The following STX8 variants were observed in gnomAD, a reference collection of about 807,000 sequenced individuals.
STX8 encodes syntaxin-8.
Under a neutral mutation model 37.5 loss-of-function variants are expected in STX8, and 23 were observed. The ratio of observed to expected loss-of-function variants is 0.61; its 90% confidence interval spans 0.44 to 0.87. STX8 has a LOEUF of 0.87. Ranked by LOEUF, STX8 falls within the 40% of genes least tolerant of loss-of-function variation. STX8 has a pLI of 0.00. For missense variants in STX8, 313 were observed against 284.7 expected, an observed-to-expected ratio of 1.10 and a Z score of -0.71; for synonymous variants, 115 against 99.1, an observed-to-expected ratio of 1.16 and a Z score of -0.95.
intron 7 of STX8, among the ~76,000 whole-genome samples, chr17:9,370,070 C>T (rs1224009249): frequency 6.6e-6 from 1 of 151,604 alleles, no homozygotes; most frequent in African/African-American, 2.4e-5. Context: ...CTAAAATTAG[C>T]CAGGCATGGT....
intron 6 of STX8, among the ~76,000 whole-genome samples, chr17:9,470,695 G>T (rs1422494991): frequency 4.6e-5 from 7 of 152,088 alleles, no homozygotes; most frequent in Non-Finnish European, 1.5e-5. Context: ...CCTCTATGCA[G>T]AAAAAGCTAA....
intron 7 of STX8, among the ~76,000 whole-genome samples, chr17:9,339,842 T>C (rs1549333): frequency 0.15 from 22,836 of 152,212 alleles, 1,922 homozygotes; most frequent in African/African-American, 0.21. Context: ...ACATTATGTA[T>C]CTTTGAAAGC....
At chr17:9,259,269 T>A (rs1201393624) in intron 7 of STX8, among the ~76,000 whole-genome samples, 1 of 152,192 alleles carries the variant, frequency 6.6e-6, no homozygotes, top group Non-Finnish European at 1.5e-5. Flanking sequence ...TTCTAGAACA[T>A]AACTGGCACT....
chr17:9,513,313 CAAAAAA>C, intron 4 of STX8, among the ~76,000 whole-genome samples: 1 of 78,022 alleles, frequency 1.3e-5, no homozygotes, highest in East Asian at 3.5e-4. Flanking sequence ...ACTCTATTTC[CAAAAAA>C]AAAAAAAAAA....
chr17:9,283,742 CA>C (rs1907977685), intron 7 of STX8, among the ~76,000 whole-genome samples: 1 of 152,116 alleles, frequency 6.6e-6, no homozygotes, highest in Admixed American at 6.5e-5. Context: ...TGCATGTTTC[CA>C]ACAACCTTGG....
At chr17:9,462,243 G>A (rs994389436) in intron 6 of STX8, among the ~76,000 whole-genome samples, 2 of 152,150 alleles carry the variant, frequency 1.3e-5, no homozygotes, top group Non-Finnish European at 2.9e-5. Context: ...CCAAGCGCAT[G>A]AGACCTTCAC....
intron 4 of STX8, among the ~76,000 whole-genome samples, chr17:9,519,868 A>G (rs766022618): frequency 1.3e-5 from 2 of 151,014 alleles, no homozygotes; most frequent in South Asian, 2.1e-4. Flanking sequence ...TCAAATGTCA[A>G]TTCTGCTGCT....
intron 7 of STX8, among the ~76,000 whole-genome samples, chr17:9,368,072 A>G (rs904145784): frequency 6.6e-6 from 1 of 152,200 alleles, no homozygotes; most frequent in Non-Finnish European, 1.5e-5. Flanking sequence ...ATAATCTTGT[A>G]AAAAATTACT....
intron 4 of STX8, among the ~76,000 whole-genome samples, chr17:9,528,043 T>C: frequency 6.6e-6 from 1 of 152,198 alleles, no homozygotes; most frequent in East Asian, 1.9e-4. Context: ...GTCAGACACA[T>C]CAACTTGGAG....
intron 6 of STX8, among the ~76,000 whole-genome samples, chr17:9,488,875 T>C (rs554265324): frequency 3.8e-4 from 57 of 151,554 alleles, no homozygotes; most frequent in African/African-American, 1.4e-3. Flanking sequence ...CGGTCACGTG[T>C]GTGTGTGTGT....
Position 9,557,535 on chromosome 17 carries a change from A to G in STX8, c.118-7T>C. ...CTCTGATTGTCACGGTAAGCTGAAA[A>G]GAAAAGAACACATCCTAAGTATTCT... On this transcript the variant is annotated splice_region_variant and splice_polypyrimidine_tract_variant and intron_variant, in intron 2 of 7. Transcript: ENST00000306357. 4 of 1,612,882 alleles carry G rather than the reference A, an allele frequency of 2.5e-6. No homozygotes were observed. Among genetic ancestry groups the G allele is most frequent in the Non-Finnish European group, 3.4e-6 (4 of 1,178,936 alleles).
chr17:9,410,083 G>A (rs934585081), intron 6 of STX8, among the ~76,000 whole-genome samples: 3 of 152,222 alleles, frequency 2.0e-5, no homozygotes, highest in African/African-American at 4.8e-5. Context: ...ACAGACAAAT[G>A]CGATGGCTGT....
At chr17:9,561,534 C>G (rs1907229828) in intron 2 of STX8, among the ~76,000 whole-genome samples, 1 of 151,738 alleles carries the variant, frequency 6.6e-6, no homozygotes, top group Non-Finnish European at 1.5e-5. Flanking sequence ...TGGCGGGTGC[C>G]TGTAATCCCA....
At chr17:9,473,660 T>C (rs1368582601) in intron 6 of STX8, among the ~76,000 whole-genome samples, 1 of 145,956 alleles carries the variant, frequency 6.9e-6, no homozygotes, top group Non-Finnish European at 1.5e-5. Flanking sequence ...CAACCATCCA[T>C]TTTTAAAAAA....
At position 9,348,409 on chromosome 17, in the gene STX8, C is replaced by T. The variant is rs145968736; in HGVS notation, c.643+30143G>A. 2.1e-3 allele frequency among the ~76,000 whole-genome samples: 216 copies of T among 101,756 alleles called. 1 individual carries two copies. Among genetic ancestry groups the T allele is most frequent in the African/African-American group, 7.4e-3 (206 of 27,912 alleles). 66.8% of individuals were successfully genotyped at this position (101,756 alleles called of 152,430 possible). A position where few individuals can be genotyped will look rare whatever the true frequency, so the allele number is the denominator to read the frequency against. Reference sequence around the variant, plus strand: ...CTCCAGCCTGGGCAACAGAGCAAGACTCTGTCTCAAAAAAAAAAAAAAAAA... The same window carrying T: ...CTCCAGCCTGGGCAACAGAGCAAGATTCTGTCTCAAAAAAAAAAAAAAAAA... On this transcript the variant is annotated intron_variant, in intron 7 of 7. Coordinates refer to ENST00000306357, the MANE Select transcript of STX8 (RefSeq NM_004853.3).
intron 7 of STX8, among the ~76,000 whole-genome samples, chr17:9,366,772 C>T (rs1314271572): frequency 2.0e-5 from 3 of 152,114 alleles, no homozygotes; most frequent in Non-Finnish European, 4.4e-5. Context: ...ATTGAGCCCT[C>T]CATGAGGTCA....
chr17:9,500,539 G>A (rs1904572896), intron 5 of STX8, among the ~76,000 whole-genome samples: 1 of 152,160 alleles, frequency 6.6e-6, no homozygotes, highest in African/African-American at 2.4e-5. Context: ...ACTGCAGAGA[G>A]TACTCTGTAG....
chr17:9,336,884 A>G (rs907266431), intron 7 of STX8, among the ~76,000 whole-genome samples: 1 of 152,218 alleles, frequency 6.6e-6, no homozygotes, highest in South Asian at 2.1e-4. Flanking sequence ...TATTCCTACA[A>G]GGCCACAGCC....
chr17:9,373,546 T>C (rs1744024121), intron 7 of STX8, among the ~76,000 whole-genome samples: 1 of 152,156 alleles, frequency 6.6e-6, no homozygotes, highest in Admixed American at 6.5e-5. Flanking sequence ...GTACCTAGAA[T>C]AATCATATCT....
Sources: gnomAD v4.1 joint callset for allele counts (sites outside exome capture counted in the v4.1 genomes callset) on GRCh38, gnomAD v4.1.1 for gene constraint, MANE v1.5 for transcripts, NCBI Gene and HGNC (gene_info 2026-07-23, HGNC 2026-07-21) for gene names.